The following SGCD variants were observed in gnomAD, a reference collection of about 807,000 sequenced individuals.
SGCD encodes sarcoglycan delta.
SGCD carries 18 observed loss-of-function variants against 36.6 expected under a neutral mutation model. The ratio of observed to expected loss-of-function variants is 0.49; its 90% CI spans 0.34 to 0.73. The LOEUF (loss-of-function observed/expected upper bound fraction) is 0.73. Among genes scored for constraint, SGCD ranks in the 30% least tolerant of loss-of-function variants. SGCD has a pLI of 0.01. For synonymous variants in SGCD, 133 were observed against 130.6 expected (o/e 1.02, Z -0.12); for missense variants, 387 against 346.7 (o/e 1.12, Z -0.92).
intron 4 of SGCD, among the ~76,000 whole-genome samples, chr5:156,544,901 G>C (rs1758503042): frequency 6.6e-6 from 1 of 152,194 alleles, no homozygotes. Context: ...TTAGCAAGAT[G>C]AATTGACTTG....
chr5:156,132,456 G>GTTTTTTTTTTT (rs1561532851), intron 3 of SGCD, among the ~76,000 whole-genome samples: 14 of 73,572 alleles, frequency 1.9e-4, no homozygotes, highest in South Asian at 4.1e-4. Flanking sequence ...AACTTACCAA[G>GTTTTTTTTTTT]TCTTTTTTTT....
At chr5:155,930,919 C>T (rs1757086424) in intron 1 of SGCD, among the ~76,000 whole-genome samples, 1 of 152,170 alleles carries the variant, frequency 6.6e-6, no homozygotes, top group Non-Finnish European at 1.5e-5. Flanking sequence ...TAATCCCTGA[C>T]ATTTGTATCA....
chr5:155,928,710 A>G (rs1757043341), intron 1 of SGCD, among the ~76,000 whole-genome samples: 1 of 151,334 alleles, frequency 6.6e-6, no homozygotes, highest in South Asian at 2.1e-4. Context: ...AATACAGCAC[A>G]TATGAAAGAA....
intron 3 of SGCD, among the ~76,000 whole-genome samples, chr5:156,147,800 A>C (rs1424941048): frequency 6.6e-6 from 1 of 152,198 alleles, no homozygotes; most frequent in Non-Finnish European, 1.5e-5. Context: ...TAATGCAGTG[A>C]CATTCAGATG....
At chr5:156,596,372 G>T (rs572518240) in intron 6 of SGCD, among the ~76,000 whole-genome samples, 1 of 151,986 alleles carries the variant, frequency 6.6e-6, no homozygotes, top group Non-Finnish European at 1.5e-5. Flanking sequence ...GTGCCTGCTT[G>T]CTTACCTGTT....
chr5:156,175,454 A>G (rs1213325892), intron 3 of SGCD, among the ~76,000 whole-genome samples: 3 of 152,142 alleles, frequency 2.0e-5, no homozygotes, highest in Non-Finnish European at 4.4e-5. Flanking sequence ...CAAATCACCA[A>G]CTACACCATA....
At chr5:156,485,325 C>T (rs1245620013) in intron 3 of SGCD, among the ~76,000 whole-genome samples, 2 of 152,042 alleles carry the variant, frequency 1.3e-5, no homozygotes, top group Non-Finnish European at 1.5e-5. Flanking sequence ...ATAGAGAGAG[C>T]CATTAATAAA....
intron 1 of SGCD, among the ~76,000 whole-genome samples, chr5:156,327,946 A>G (rs765334839): frequency 3.3e-5 from 5 of 152,256 alleles, no homozygotes; most frequent in Non-Finnish European, 7.3e-5. Context: ...ATTTTAGGAA[A>G]CATAGATAAT....
intron 7 of SGCD, among the ~76,000 whole-genome samples, chr5:156,693,997 T>C (rs1186211224): frequency 6.6e-6 from 1 of 152,124 alleles, no homozygotes; most frequent in Non-Finnish European, 1.5e-5. Context: ...AGGTGCCCTT[T>C]ATCATTGTAC....
At chr5:156,410,586 A>G (rs755123322) in intron 3 of SGCD, among the ~76,000 whole-genome samples, 3 of 152,164 alleles carry the variant, frequency 2.0e-5, no homozygotes, top group Non-Finnish European at 4.4e-5. Context: ...AATTAAAACT[A>G]TCAAGCACCT....
intron 4 of SGCD, among the ~76,000 whole-genome samples, chr5:156,582,821 G>A (rs562078798): frequency 7.6e-4 from 115 of 150,668 alleles, no homozygotes; most frequent in Non-Finnish European, 1.0e-3. Context: ...ATGTGCACGC[G>A]CACACACACA....
chr5:156,013,457 A>G (rs1758903560), intron 1 of SGCD, among the ~76,000 whole-genome samples: 1 of 152,234 alleles, frequency 6.6e-6, no homozygotes, highest in Non-Finnish European at 1.5e-5. Context: ...GTGCTGGCTT[A>G]TCCTTGCCTT....
chr5:155,952,299 T>C (rs1254100826), intron 1 of SGCD, among the ~76,000 whole-genome samples: 1 of 152,158 alleles, frequency 6.6e-6, no homozygotes, highest in Non-Finnish European at 1.5e-5. Flanking sequence ...TTGTGAGTAC[T>C]ACTGACATGC....
intron 3 of SGCD, among the ~76,000 whole-genome samples, chr5:156,361,634 G>A (rs1357174987): frequency 6.6e-6 from 1 of 152,220 alleles, no homozygotes; most frequent in African/African-American, 2.4e-5. Context: ...ATAAGCTCAT[G>A]TTTAAAGGAA....
chr5:156,070,807 A>G (rs1324981822), intron 1 of SGCD, among the ~76,000 whole-genome samples: 16 of 152,040 alleles, frequency 1.1e-4, no homozygotes, highest in East Asian at 3.9e-4. Context: ...CACAATTTCA[A>G]AGCCTGTTAT....
At chr5:155,812,668 T>A in the SGCD span, among the ~76,000 whole-genome samples, 4 of 152,212 alleles carry the variant, frequency 2.6e-5, no homozygotes, top group African/African-American at 9.6e-5. Flanking sequence ...TTTCTCAAAG[T>A]ATCTTCGATG....
At chr5:155,900,279 C>T (rs933868536) in intron 1 of SGCD, among the ~76,000 whole-genome samples, 4 of 152,052 alleles carry the variant, frequency 2.6e-5, no homozygotes, top group Non-Finnish European at 4.4e-5. Context: ...TGTAGACATC[C>T]CCCTTTTATG....
intron 7 of SGCD, among the ~76,000 whole-genome samples, chr5:156,672,661 C>G (rs567440082): frequency 2.0e-5 from 3 of 152,348 alleles, no homozygotes; most frequent in Admixed American, 2.0e-4. Flanking sequence ...CTTCTTCTCT[C>G]TCCCTTCGTC....
Position 156,312,130 on chromosome 5 carries a change from GGTACTCAT to G in SGCD, c.-43-17400_-43-17393del, listed in dbSNP as rs1767406560. 2.0e-5 allele frequency among the ~76,000 whole-genome samples: 3 copies of G among 152,290 alleles called. No homozygotes were observed. The South Asian group carries it at 6.2e-4, about 32-fold the overall frequency. ...TTGTTGCATGCCTACACGTACCAAA[GGTACTCAT>G]GTAGGTTAGGTGGTTTTATTCTCAC... On this transcript the variant is annotated intron_variant, in intron 3 of 9. Coordinates refer to the SGCD transcript ENST00000517913.
Sources: gnomAD v4.1 joint callset for allele counts (sites outside exome capture counted in the v4.1 genomes callset) on GRCh38, gnomAD v4.1.1 for gene constraint, MANE v1.5 for transcripts, NCBI Gene and HGNC (gene_info 2026-07-23, HGNC 2026-07-21) for gene names.